TTC17: variants seen among roughly 807,000 people sequenced by gnomAD.
TTC17 encodes the protein tetratricopeptide repeat domain 17.
In TTC17, 58 loss-of-function variants were observed where a neutral mutation model predicts 143.8. That is an observed-to-expected ratio of 0.40 (90% confidence interval 0.33 to 0.50). The LOEUF is 0.50. Among genes scored for constraint, TTC17 ranks in the 20% least tolerant of loss-of-function variants. The pLI is 0.49. For synonymous variants in TTC17, 501 were observed against 497.8 expected, an observed-to-expected ratio of 1.01 and a Z score of -0.09; for missense variants, 1,273 against 1,392.5, an observed-to-expected ratio of 0.91 and a Z score of 1.37.
At position 43,450,133 on chromosome 11, in the gene TTC17, G is replaced by A; in HGVS notation, c.2838G>A (p.Glu946=). Residue 946 remains glutamate, a synonymous_variant, in exon 20 of 24, where the codon GAG becomes GAA. Coordinates refer to ENST00000039989, the MANE Select transcript of TTC17 (RefSeq NM_018259.6). ...CCCCTATACAGCAGCCAGCAATGGA[G>A]CCTCTTTGCAATGGCAATCTCCCCA... ...FATPIQQPAM[E]PLCNGNLPTS... is the part of the protein sequence containing the mutation. The A allele has an allele frequency of 1.2e-6, 2 of 1,614,194 alleles. No homozygotes were observed. The highest frequency in any genetic ancestry group is 1.1e-5 in the South Asian group (1 of 91,086).
chr11:43,493,661 A>G (rs1274238229), intron 23 of TTC17, 112 bp from the exon 24 acceptor site: 3 of 1,512,732 alleles, frequency 2.0e-6, no homozygotes, highest in Non-Finnish European at 2.7e-6. Flanking sequence ...CGTTGAGCAA[A>G]TGCTGCGGGA....
chr11:43,427,550 C>T (rs1018354723), intron 16 of TTC17, among the ~76,000 whole-genome samples: 2 of 152,192 alleles, frequency 1.3e-5, no homozygotes, highest in Admixed American at 1.3e-4. Context: ...TTGCTTTCTG[C>T]AGCTCTATCC....
intron 18 of TTC17, chr11:43,446,560 A>G (rs1176817255): frequency 1.8e-5 from 12 of 681,596 alleles, no homozygotes; most frequent in Non-Finnish European, 2.2e-5. Context: ...TGTGAAAATT[A>G]TGGCTTATTT....
In TTC17 at chr11:43,397,983, G is replaced by C; in HGVS notation, c.928G>C (p.Glu310Gln). ...GTTTTTGTCTCTTCAGATGCTTGGG[G>C]AATATAACCACTCAGTGCTCTGTTA... ...TLGNIYAMLG[E>Q]YNHSVLCYDH... The change falls in exon 8 of 24, where the codon GAA (glutamate) becomes CAA (glutamine). Residue 310 changes from glutamate to glutamine, a missense_variant. By Grantham distance (29) the Glu-to-Gln change is conservative (BLOSUM62 2). Around this residue, in one of 3 missense-constraint regions of TTC17, gnomAD observed 325 missense variants for 444.2 expected, o/e 0.73. Coordinates refer to ENST00000039989, the MANE Select transcript of TTC17 (RefSeq NM_018259.6). 6.2e-7 allele frequency: 1 copy of C among 1,609,262 alleles called. No homozygotes were observed. Among genetic ancestry groups the C allele is most frequent in the Non-Finnish European group, 8.5e-7 (1 of 1,177,952 alleles).
At chr11:43,363,137 C>T (rs1305805888) in intron 1 of TTC17, among the ~76,000 whole-genome samples, 1 of 152,194 alleles carries the variant, frequency 6.6e-6, no homozygotes, top group East Asian at 1.9e-4. Flanking sequence ...CTAAAAGGAG[C>T]ACTAGCGTAA....
chr11:43,436,133 A>G, intron 16 of TTC17: 1 of 1,305,310 alleles, frequency 7.7e-7, no homozygotes, highest in Non-Finnish European at 9.8e-7. Flanking sequence ...GATATTTCTA[A>G]TGTGCTATAT....
intron 15 of TTC17, among the ~76,000 whole-genome samples, chr11:43,408,967 A>T (rs1858274985): frequency 6.6e-6 from 1 of 151,824 alleles, no homozygotes; most frequent in Non-Finnish European, 1.5e-5. Context: ...GGTCTTGAAC[A>T]CCCGAGCTCA....
chr11:43,444,649 C>T (rs1424634756), intron 18 of TTC17: 6 of 152,778 alleles, frequency 3.9e-5, no homozygotes, highest in African/African-American at 1.5e-4. Flanking sequence ...TAAAGAGCAC[C>T]TACAAATCAA....
intron 16 of TTC17, among the ~76,000 whole-genome samples, chr11:43,420,781 C>CA (rs968835322): frequency 6.0e-5 from 9 of 151,188 alleles, no homozygotes; most frequent in South Asian, 4.2e-4. Context: ...TCCTGCATGC[C>CA]AAAAAAAATG....
intron 5 of TTC17, among the ~76,000 whole-genome samples, chr11:43,395,792 TGAAA>T (rs771302305): frequency 6.6e-6 from 1 of 152,224 alleles, no homozygotes; most frequent in Non-Finnish European, 1.5e-5. Flanking sequence ...TTGGTCCTTG[TGAAA>T]GAGTCACTGA....
chr11:43,383,391 C>A (rs1483306201), intron 2 of TTC17, among the ~76,000 whole-genome samples: 1 of 151,974 alleles, frequency 6.6e-6, no homozygotes, highest in Admixed American at 6.6e-5. Context: ...TGCTCTTGTC[C>A]CCCAGGCTGG....
intron 16 of TTC17, among the ~76,000 whole-genome samples, chr11:43,420,235 AGT>A: frequency 6.6e-6 from 1 of 152,356 alleles, no homozygotes; most frequent in Non-Finnish European, 1.5e-5. Context: ...TTCCAGGGCC[AGT>A]GTGGTTCCTG....
intron 16 of TTC17, among the ~76,000 whole-genome samples, chr11:43,438,958 AG>A (rs1947353706): frequency 6.6e-6 from 1 of 152,174 alleles, no homozygotes; most frequent in African/African-American, 2.4e-5. Flanking sequence ...TTGATCCAAA[AG>A]TCTTTCCTAA....
chr11:43,408,777 T>C (rs994897156), intron 15 of TTC17, among the ~76,000 whole-genome samples: 27 of 152,280 alleles, frequency 1.8e-4, no homozygotes, highest in Admixed American at 1.4e-3. Context: ...GTTCTTGCTC[T>C]GTTGCCCAGG....
chr11:43,452,136 T>C (rs947115651), intron 21 of TTC17, among the ~76,000 whole-genome samples: 7 of 152,150 alleles, frequency 4.6e-5, no homozygotes, highest in Admixed American at 6.6e-5. Context: ...TGAAGGAACT[T>C]TCTACAGGTA....
At position 43,401,565 on chromosome 11, in the gene TTC17, T is replaced by C; in HGVS notation, c.1332+7T>C. 1 of 1,585,812 alleles carries C rather than the reference T, an allele frequency of 6.3e-7. No individual in the cohort carries two copies. The highest frequency in any genetic ancestry group is 8.6e-7 in the Non-Finnish European group (1 of 1,159,604). On this transcript the variant is annotated splice_region_variant and intron_variant, in intron 10 of 23. Transcript: ENST00000039989. Reference sequence around the variant, plus strand: ...AAATGTGGACTATGTTCAGGTCTTTTTCTTGGTCCAGTCTAATTCTTATAA... The same window carrying C: ...AAATGTGGACTATGTTCAGGTCTTTCTCTTGGTCCAGTCTAATTCTTATAA...
chr11:43,463,185 A>G (rs1279057246), intron 21 of TTC17, among the ~76,000 whole-genome samples: 4 of 152,190 alleles, frequency 2.6e-5, no homozygotes, highest in African/African-American at 9.6e-5. Flanking sequence ...AATTGCTGGG[A>G]TTACAGCTGT....
rs993925618 is a variant in TTC17, at chr11:43,407,547, A to G, written c.2034A>G (p.Leu678=). The change falls in exon 15 of 24, where the codon CTA becomes CTG. Residue 678 remains leucine, a synonymous_variant. Transcript: ENST00000039989. ...YGLHLDATKL[L]LQALAINSSE... ...TTCATCTTGATGCCACTAAGCTGCT[A>G]CTTCAAGCTTTGGCCATCAATAGCT... 1 of 1,613,962 alleles carries G rather than the reference A, an allele frequency of 6.2e-7. No individual in the cohort carries two copies. Among genetic ancestry groups the G allele is most frequent in the South Asian group, 1.1e-5 (1 of 91,066 alleles).
At chr11:43,420,636 A>G (rs1182574222) in intron 16 of TTC17, among the ~76,000 whole-genome samples, 1 of 152,116 alleles carries the variant, frequency 6.6e-6, no homozygotes, top group African/African-American at 2.4e-5. Flanking sequence ...GCTTTTTTGA[A>G]CAAAAGGGAT....
Sources: allele counts gnomAD v4.1 joint callset (sites outside exome capture counted in the v4.1 genomes callset), GRCh38; gene constraint gnomAD v4.1.1; regional missense constraint gnomAD v4.1.1; transcripts MANE v1.5; gene names NCBI Gene and HGNC (gene_info 2026-07-23, HGNC 2026-07-21).